APOO: variants seen among roughly 807,000 people sequenced by gnomAD.
APOO encodes the protein MICOS complex subunit MIC26.
In APOO, 11 loss-of-function variants were observed where a neutral mutation model predicts 23.1. The ratio of observed to expected loss-of-function variants is 0.48; its 90% CI spans 0.30 to 0.79. The LOEUF (loss-of-function observed/expected upper bound fraction) is 0.79. Among genes scored for constraint, APOO ranks in the 30% least tolerant of loss-of-function variants. The probability of loss-of-function intolerance (pLI) is 0.07; values close to 1 mark genes in which losing one functional copy is unlikely to be tolerated. For synonymous variants in APOO, 59 were observed against 54.8 expected, an observed-to-expected ratio of 1.08 and a Z score of -0.34; for missense variants, 160 against 142.7, an observed-to-expected ratio of 1.12 and a Z score of -0.62.
chrX:23,839,098 T>C (rs996336478), intron 8 of APOO, among the ~76,000 whole-genome samples: 1 of 111,954 alleles, frequency 8.9e-6, no homozygotes, highest in African/African-American at 3.2e-5. Flanking sequence ...TCTGGCCCCA[T>C]TCACCAGAGA....
chrX:23,890,110 T>G (rs1926587747), intron 1 of APOO, among the ~76,000 whole-genome samples: 1 of 111,935 alleles, frequency 8.9e-6, no homozygotes, highest in Non-Finnish European at 1.9e-5. Flanking sequence ...AGAACAGTTA[T>G]TCAACTTAAG....
chrX:23,851,157 G>A (rs1924515815), intron 7 of APOO, among the ~76,000 whole-genome samples: 1 of 108,754 alleles, frequency 9.2e-6, no homozygotes, highest in South Asian at 4.0e-4. Context: ...AGACTTGGGG[G>A]TGAGGGGACC....
chrX:23,880,752 G>A, intron 2 of APOO, 93 bp downstream of exon 2: 1 of 341,584 alleles, frequency 2.9e-6, no homozygotes, highest in Non-Finnish European at 4.9e-6. Context: ...ATTTTAAACA[G>A]TCACATCTTC....
intron 6 of APOO, among the ~76,000 whole-genome samples, chrX:23,858,053 C>T (rs896407232): frequency 5.4e-5 from 6 of 111,218 alleles, no homozygotes; most frequent in African/African-American, 1.3e-4. Context: ...TTTTAAGAAT[C>T]GGTGGTACAG....
chrX:23,907,329 T>C (rs1927406248), intron 1 of APOO, among the ~76,000 whole-genome samples: 1 of 108,656 alleles, frequency 9.2e-6, no homozygotes, highest in African/African-American at 3.3e-5. Context: ...GCCAGGCAAC[T>C]AAAGCCGCGA....
chrX:23,879,125 T>C, intron 2 of APOO, 91 bp from the exon 3 acceptor site: 1 of 1,008,020 alleles, frequency 9.9e-7, no homozygotes, highest in East Asian at 3.5e-5. Flanking sequence ...ATAATATTTC[T>C]AGTAATTCAT....
chrX:23,870,473 G>A (rs1408630334), intron 4 of APOO, among the ~76,000 whole-genome samples: 2 of 111,727 alleles, frequency 1.8e-5, no homozygotes, highest in Non-Finnish European at 3.8e-5. Flanking sequence ...AATAATGGAT[G>A]TTCATTCAAT....
intron 1 of APOO, among the ~76,000 whole-genome samples, chrX:23,900,367 G>A (rs763671114): frequency 9.0e-6 from 1 of 111,397 alleles, no homozygotes; most frequent in East Asian, 2.8e-4. Context: ...ATCAGAGGAC[G>A]CTGAGAGATT....
rs759246033 is a variant in APOO at position 23,900,085 on chromosome X, A to G, written c.9+7609T>C. On this transcript the variant is annotated intron_variant, in intron 1 of 8. Coordinates refer to ENST00000379226, the MANE Select transcript of APOO (RefSeq NM_024122.5). Reference sequence around the variant, plus strand: ...CTATCTGCATTTCAGAAGTAGATAGAAGAATGCTACAGTGTCCTGAGCAGA... The same window carrying G: ...CTATCTGCATTTCAGAAGTAGATAGGAGAATGCTACAGTGTCCTGAGCAGA... 2.7e-5 allele frequency among the ~76,000 whole-genome samples: 3 copies of G among 112,438 alleles called. No individual in the cohort carries two copies. In the South Asian group the frequency reaches 1.1e-3, roughly 41 times the overall value.
chrX:23,903,963 T>C (rs1171575601), intron 1 of APOO, among the ~76,000 whole-genome samples: 2 of 111,258 alleles, frequency 1.8e-5, no homozygotes, highest in Non-Finnish European at 3.8e-5. Flanking sequence ...GTCAAGCTTA[T>C]CAACCATCAT....
At chrX:23,858,270 C>T (rs1367583866) in intron 6 of APOO, among the ~76,000 whole-genome samples, 1 of 111,394 alleles carries the variant, frequency 9.0e-6, no homozygotes, top group African/African-American at 3.3e-5. Flanking sequence ...TCTGGGTCTA[C>T]AATACCAACG....
chrX:23,896,225 G>A (rs964287088), intron 1 of APOO, among the ~76,000 whole-genome samples: 15 of 109,017 alleles, frequency 1.4e-4, no homozygotes, highest in Admixed American at 9.9e-4. Context: ...CGAAGATGGC[G>A]CCACTGCACT....
At chrX:23,849,147 A>C (rs1359640730) in intron 7 of APOO, among the ~76,000 whole-genome samples, 1 of 109,455 alleles carries the variant, frequency 9.1e-6, no homozygotes, top group Non-Finnish European at 1.9e-5. Flanking sequence ...CATGTTGGCC[A>C]GGCAGGTTTC....
chrX:23,866,505 A>G (rs1465391630), intron 5 of APOO, among the ~76,000 whole-genome samples: 4 of 111,856 alleles, frequency 3.6e-5, no homozygotes, highest in Non-Finnish European at 7.5e-5. Flanking sequence ...GCGGCAGCTC[A>G]TGCCTATAAT....
intron 7 of APOO, among the ~76,000 whole-genome samples, chrX:23,855,015 T>C (rs898376797): frequency 1.8e-5 from 2 of 109,010 alleles, no homozygotes; most frequent in African/African-American, 6.7e-5. Context: ...AGTATAAAAA[T>C]TAGTGGGGTT....
At chrX:23,888,134 C>T (rs926118492) in intron 1 of APOO, among the ~76,000 whole-genome samples, 31 of 112,237 alleles carry the variant, frequency 2.8e-4, no homozygotes, top group Non-Finnish European at 4.5e-4. Context: ...TATCTTGGAC[C>T]TTAGACTCTC....
At chrX:23,905,234 C>G (rs1211393899) in intron 1 of APOO, among the ~76,000 whole-genome samples, 2 of 108,726 alleles carry the variant, frequency 1.8e-5, no homozygotes, top group African/African-American at 6.7e-5. Context: ...ATTAAAAATA[C>G]AAAAAAATTA....
chrX:23,872,449 A>C (rs1286686888), intron 4 of APOO, among the ~76,000 whole-genome samples: 1 of 108,041 alleles, frequency 9.3e-6, no homozygotes. Context: ...ATAAAAGACT[A>C]TATCAGGAGT....
At chrX:23,869,338 C>T (rs1399478235) in intron 4 of APOO, among the ~76,000 whole-genome samples, 2 of 111,285 alleles carry the variant, frequency 1.8e-5, no homozygotes, top group Admixed American at 9.7e-5. Context: ...AATACAAATA[C>T]AGGGATCCTT....
Sources: allele counts gnomAD v4.1 joint callset (sites outside exome capture counted in the v4.1 genomes callset), GRCh38; gene constraint gnomAD v4.1.1; transcripts MANE v1.5; gene names NCBI Gene and HGNC (gene_info 2026-07-23, HGNC 2026-07-21).